Variants in USP25 observed in about 807,000 individuals in gnomAD.
USP25 encodes ubiquitin carboxyl-terminal hydrolase 25.
USP25 carries 85 observed loss-of-function variants against 158.5 expected under a neutral mutation model. That is an observed-to-expected ratio of 0.54 (90% CI 0.45 to 0.64). The LOEUF is 0.64. Ranked by LOEUF, USP25 falls within the 30% of genes least tolerant of loss-of-function variation. USP25 has a pLI of 0.00. For missense variants in USP25, 1,242 were observed against 1,327.3 expected, an observed-to-expected ratio of 0.94 and a Z score of 1.00; for synonymous variants, 464 against 460.4, an observed-to-expected ratio of 1.01 and a Z score of -0.10.
intron 9 of USP25, among the ~76,000 whole-genome samples, chr21:15,815,595 A>G (rs2036898481): frequency 6.6e-6 from 1 of 152,170 alleles, no homozygotes; most frequent in Non-Finnish European, 1.5e-5. Flanking sequence ...CAAGGAGAGC[A>G]TTTCAGAGCC....
At chr21:15,773,871 C>T (rs1473011870) in intron 3 of USP25, among the ~76,000 whole-genome samples, 1 of 152,124 alleles carries the variant, frequency 6.6e-6, no homozygotes, top group East Asian at 1.9e-4. Flanking sequence ...TAGAAGATTA[C>T]GTTGCTTTAC....
intron 4 of USP25, among the ~76,000 whole-genome samples, chr21:15,779,670 G>A (rs990649982): frequency 2.6e-5 from 4 of 151,696 alleles, no homozygotes; most frequent in Non-Finnish European, 5.9e-5. Flanking sequence ...TTATTGTTTT[G>A]GATAGTTGTT....
chr21:15,820,014 C>T (rs932057700), intron 10 of USP25, among the ~76,000 whole-genome samples: 7 of 151,936 alleles, frequency 4.6e-5, no homozygotes, highest in Middle Eastern at 3.2e-3. Context: ...GCAGGGTCTA[C>T]GATAGGGATG....
Position 15,755,985 on chromosome 21 carries a change from G to T in USP25, c.46-6906G>T, listed in dbSNP as rs919088458. Among the ~76,000 whole-genome samples the T allele has an allele frequency of 5.3e-5, 8 of 152,268 alleles. No individual in the cohort carries two copies. The South Asian group carries it at 1.0e-3, about 20-fold the overall frequency. ...ATTCTTCCGGGCTCTGGGAGAGATGGTGGCAATTTTTTGGGAAGGTGAGGG... is the reference window on the plus strand; with the variant it reads ...ATTCTTCCGGGCTCTGGGAGAGATGTTGGCAATTTTTTGGGAAGGTGAGGG... On this transcript the variant is annotated intron_variant, in intron 1 of 25. Coordinates refer to ENST00000400183, the MANE Select transcript of USP25 (RefSeq NM_001283041.3).
chr21:15,781,243 A>G (rs2034946226), intron 4 of USP25, among the ~76,000 whole-genome samples: 1 of 152,170 alleles, frequency 6.6e-6, no homozygotes, highest in Non-Finnish European at 1.5e-5. Context: ...TAGGAATCAC[A>G]TGTCTGACAA....
chr21:15,774,946 T>G lies in USP25; in HGVS notation c.269-2958T>G, dbSNP rs573125569. ...AAAGGCAAATAATATCTGAGTAGTA[T>G]TATTTTTTTATTTAAGGACTTTCCT... On this transcript the variant is annotated intron_variant, in intron 3 of 25. Coordinates refer to ENST00000400183, the MANE Select transcript of USP25 (RefSeq NM_001283041.3). Among the ~76,000 whole-genome samples the G allele has an allele frequency of 4.7e-4, 71 of 152,266 alleles. 1 individual carries two copies. Among genetic ancestry groups the G allele is most frequent in the Admixed American group, 1.6e-3 (25 of 15,296 alleles).
intron 4 of USP25, 110 bp from the exon 5 acceptor site, chr21:15,791,392 T>G: frequency 8.5e-7 from 1 of 1,178,646 alleles, no homozygotes; most frequent in Non-Finnish European, 1.1e-6. Context: ...ATATTATTTC[T>G]TCAAATACAT....
chr21:15,733,772 G>T (rs2031202601), intron 1 of USP25, among the ~76,000 whole-genome samples: 1 of 152,188 alleles, frequency 6.6e-6, no homozygotes, highest in South Asian at 2.1e-4. Context: ...AACTCGGGAG[G>T]CGGAGGTTGC....
intron 12 of USP25, among the ~76,000 whole-genome samples, chr21:15,825,457 G>A (rs2037454886): frequency 6.6e-6 from 1 of 152,164 alleles, no homozygotes; most frequent in South Asian, 2.1e-4. Flanking sequence ...GCTTCGTAAA[G>A]GAGGAAATTG....
intron 5 of USP25, among the ~76,000 whole-genome samples, chr21:15,796,028 T>G (rs71317624): frequency 6.6e-6 from 1 of 151,646 alleles, no homozygotes; most frequent in Admixed American, 6.6e-5. Flanking sequence ...TATGTCTTTG[T>G]TATTAGCAAG....
At chr21:15,864,544 A>G (rs1370270322) in intron 21 of USP25, 98 bp downstream of exon 21, 9 of 1,065,242 alleles carry the variant, frequency 8.4e-6, no homozygotes, top group Non-Finnish European at 9.1e-6. Flanking sequence ...TTATATATGC[A>G]TGGGCACATA....
At chr21:15,755,721 C>T (rs2033329619) in intron 1 of USP25, among the ~76,000 whole-genome samples, 1 of 152,002 alleles carries the variant, frequency 6.6e-6, no homozygotes, top group Non-Finnish European at 1.5e-5. Flanking sequence ...TAATTGAGTG[C>T]TGAAATAAAC....
At chr21:15,838,371 G>C (rs2038162885) in intron 17 of USP25, among the ~76,000 whole-genome samples, 1 of 152,010 alleles carries the variant, frequency 6.6e-6, no homozygotes. Flanking sequence ...CCTCAGTGTA[G>C]GAGAACATAA....
At chr21:15,762,164 A>G (rs1236391037) in intron 1 of USP25, among the ~76,000 whole-genome samples, 1 of 124,984 alleles carries the variant, frequency 8.0e-6, no homozygotes, top group Non-Finnish European at 1.6e-5. Flanking sequence ...TCTATTGACT[A>G]GGTTTGCTTT....
chr21:15,866,333 G>T lies in USP25; in HGVS notation c.2794G>T (p.Glu932Ter). Residue 932 changes from glutamate to a stop codon, truncating the protein, a stop_gained, in exon 22 of 26, where the codon GAG (glutamate) becomes TAG (stop). Transcript: ENST00000400183. LOFTEE classifies it high-confidence loss of function. ...EMIKPEEVNL[E>*]EYEEWHQDYR... is the part of the protein sequence containing the mutation. ...GATAAAACCTGAAGAAGTAAACTTG[G>T]AGGAATATGAGGTAATGTGCTTTCT... 1 of 1,602,632 alleles carries T rather than the reference G, an allele frequency of 6.2e-7. No homozygotes were observed. Among genetic ancestry groups the T allele is most frequent in the South Asian group, 1.1e-5 (1 of 89,420 alleles).
At chr21:15,848,212 T>C (rs1349962890) in intron 19 of USP25, among the ~76,000 whole-genome samples, 1 of 152,186 alleles carries the variant, frequency 6.6e-6, no homozygotes, top group East Asian at 1.9e-4. Flanking sequence ...ATAATTGATA[T>C]TTTTGCTTCT....
chr21:15,776,467 A>C (rs1027496989), intron 3 of USP25, among the ~76,000 whole-genome samples: 6 of 152,070 alleles, frequency 3.9e-5, no homozygotes, highest in Non-Finnish European at 5.9e-5. Flanking sequence ...ATCAATATAC[A>C]TTACTTTTTT....
intron 10 of USP25, among the ~76,000 whole-genome samples, chr21:15,820,504 A>G (rs147889737): frequency 2.6e-4 from 40 of 152,014 alleles, no homozygotes; most frequent in African/African-American, 9.2e-4. Flanking sequence ...AGCAGTTTCT[A>G]ATCTCCACTA....
chr21:15,776,769 G>A (rs1469302748), intron 3 of USP25, among the ~76,000 whole-genome samples: 11 of 152,122 alleles, frequency 7.2e-5, no homozygotes. Context: ...GAGCTCAGGA[G>A]TTTGAGATTG....
Sources: gnomAD v4.1 joint callset for allele counts (sites outside exome capture counted in the v4.1 genomes callset) on GRCh38, gnomAD v4.1.1 for gene constraint, MANE v1.5 for transcripts, NCBI Gene and HGNC (gene_info 2026-07-23, HGNC 2026-07-21) for gene names.